HIF1A: variants seen among roughly 807,000 people sequenced by gnomAD.
The protein encoded by HIF1A is hypoxia inducible factor 1 subunit alpha.
In HIF1A, 24 loss-of-function variants were observed where a neutral mutation model predicts 92.7. That is an observed-to-expected ratio of 0.26 (90% CI 0.19 to 0.36). The LOEUF is 0.36. HIF1A is among the 10% of genes least tolerant of loss of function. The probability of loss-of-function intolerance (pLI) is 1.00; values close to 1 mark genes in which losing one functional copy is unlikely to be tolerated. For synonymous variants in HIF1A, 319 were observed against 338.7 expected (o/e 0.94, Z 0.64); for missense variants, 799 against 998.5 (o/e 0.80, Z 2.69).
At chr14:61,726,928 G>A (rs2044512903) in intron 5 of HIF1A, 110 bp downstream of exon 5, 1 of 587,822 alleles carries the variant, frequency 1.7e-6, no homozygotes, top group Non-Finnish European at 2.9e-6. Flanking sequence ...CATGGTGTTT[G>A]GTTATGTAAC....
intron 1 of HIF1A, chr14:61,697,994 A>T (rs768356731): frequency 5.2e-5 from 63 of 1,216,556 alleles, no homozygotes; most frequent in African/African-American, 1.6e-5. Flanking sequence ...AGGACATTTC[A>T]TGTTGTTCCT....
At chr14:61,744,864 T>A in intron 13 of HIF1A, 51 bp downstream of exon 13, 1 of 23,078 alleles carries the variant, frequency 4.3e-5, no homozygotes, top group South Asian at 7.3e-4. Context: ...CTATTTCGTG[T>A]GTGTGTGTGT....
intron 1 of HIF1A, chr14:61,716,957 GA>G (rs2044370885): frequency 6.6e-6 from 1 of 152,154 alleles, no homozygotes; most frequent in Non-Finnish European, 1.5e-5. Flanking sequence ...ACTCTTAACT[GA>G]AATATAGTAC....
chr14:61,717,445 A>G (rs2044375990), intron 1 of HIF1A, among the ~76,000 whole-genome samples: 1 of 152,202 alleles, frequency 6.6e-6, no homozygotes, highest in South Asian at 2.1e-4. Flanking sequence ...ATTGTGTGAT[A>G]AAGGACATAA....
chr14:61,740,276 A>G (rs753569531), intron 10 of HIF1A: 27 of 264,978 alleles, frequency 1.0e-4, no homozygotes, highest in Admixed American at 5.4e-4. Flanking sequence ...CATGTTGGCC[A>G]GGATGGTCTC....
chr14:61,703,201 C>T (rs1457456775), intron 1 of HIF1A, among the ~76,000 whole-genome samples: 3 of 152,132 alleles, frequency 2.0e-5, no homozygotes, highest in African/African-American at 4.8e-5. Flanking sequence ...AAAAAGTATC[C>T]ATTTTAAAGC....
At chr14:61,702,394 C>T (rs1025621711) in intron 1 of HIF1A, among the ~76,000 whole-genome samples, 2 of 148,720 alleles carry the variant, frequency 1.3e-5, no homozygotes, top group Non-Finnish European at 3.0e-5. Flanking sequence ...GAGCCAAGAT[C>T]GCGCCACTGC....
chr14:61,744,842 C>T, intron 13 of HIF1A, 29 bp downstream of exon 13: 1 of 1,017,278 alleles, frequency 9.8e-7, no homozygotes, highest in Non-Finnish European at 1.5e-6. Flanking sequence ...TTTTGCTTTT[C>T]TAGCTAATGT....
At position 61,720,962 on chromosome 14, in the gene HIF1A, C is replaced by T. The variant is rs555407785; in HGVS notation, c.226+390C>T. 2.9e-3 allele frequency among the ~76,000 whole-genome samples: 449 copies of T among 152,252 alleles called. 1 individual carries two copies. The highest frequency in any genetic ancestry group is 0.02 in the Middle Eastern group (6 of 294). ...CTTCCTTTAAAAAACATGACTCAGG[C>T]CGGGCGCGGTGGCTCACGCCTGTAA... On this transcript the variant is annotated intron_variant, in intron 2 of 14. Coordinates refer to ENST00000337138, the MANE Select transcript of HIF1A (RefSeq NM_001530.4).
chr14:61,742,283 TC>T (rs2044720864), intron 12 of HIF1A, among the ~76,000 whole-genome samples: 2 of 152,212 alleles, frequency 1.3e-5, no homozygotes, highest in South Asian at 4.1e-4. Flanking sequence ...TGATTCCTTC[TC>T]TACTATGTCT....
chr14:61,697,069 G>A (rs543705963), intron 1 of HIF1A, among the ~76,000 whole-genome samples: 6 of 152,302 alleles, frequency 3.9e-5, no homozygotes, highest in East Asian at 3.9e-4. Flanking sequence ...TTAGTAGACT[G>A]GCTTTGCTGT....
intron 1 of HIF1A, among the ~76,000 whole-genome samples, 167 bp downstream of exon 1, chr14:61,696,006 T>C (rs1320348346): frequency 6.6e-6 from 1 of 151,812 alleles, no homozygotes; most frequent in Admixed American, 6.6e-5. Context: ...CCGGCCGGGC[T>C]CCCCCGCTGT....
intron 4 of HIF1A, among the ~76,000 whole-genome samples, chr14:61,724,981 G>A (rs549884281): frequency 3.3e-5 from 5 of 152,214 alleles, no homozygotes; most frequent in South Asian, 4.1e-4. Flanking sequence ...ACTCTTCTAC[G>A]TGTACTCTAC....
At chr14:61,717,823 A>G (rs968271543) in intron 1 of HIF1A, among the ~76,000 whole-genome samples, 1 of 151,730 alleles carries the variant, frequency 6.6e-6, no homozygotes, top group African/African-American at 2.4e-5. Flanking sequence ...GGAGTTTGAG[A>G]CAAGCCTGGC....
intron 1 of HIF1A, among the ~76,000 whole-genome samples, chr14:61,714,098 A>G (rs1273678191): frequency 6.6e-6 from 1 of 152,236 alleles, no homozygotes; most frequent in Non-Finnish European, 1.5e-5. Flanking sequence ...GAATCAAAGT[A>G]GATTAACTGA....
intron 6 of HIF1A, among the ~76,000 whole-genome samples, chr14:61,729,444 G>A (rs1002597750): frequency 5.3e-5 from 8 of 150,658 alleles, no homozygotes; most frequent in African/African-American, 1.9e-4. Flanking sequence ...CCTGGGAGAC[G>A]GAGTGAGACT....
chr14:61,706,858 T>G (rs933261668), intron 1 of HIF1A, among the ~76,000 whole-genome samples: 1 of 152,216 alleles, frequency 6.6e-6, no homozygotes, highest in African/African-American at 2.4e-5. Flanking sequence ...AGCCTTTAAT[T>G]TGAATTTCCA....
intron 9 of HIF1A, 40 bp downstream of exon 9, chr14:61,737,149 T>C (rs772435079): frequency 7.1e-7 from 1 of 1,405,498 alleles, no homozygotes; most frequent in Non-Finnish European, 1.0e-6. Flanking sequence ...ATTGTGTCTG[T>C]TGCTACAAGC....
chr14:61,726,575 AT>A (rs778118566), intron 4 of HIF1A, 130 bp from the exon 5 acceptor site: 4 of 563,004 alleles, frequency 7.1e-6, no homozygotes, highest in Non-Finnish European at 1.3e-5. Flanking sequence ...AGGGGAATGA[AT>A]TACTGTGTTC....
Sources: allele counts gnomAD v4.1 joint callset (sites outside exome capture counted in the v4.1 genomes callset), GRCh38; gene constraint gnomAD v4.1.1; transcripts MANE v1.5; gene names NCBI Gene and HGNC (gene_info 2026-07-23, HGNC 2026-07-21).